The following SFXN2 variants were observed in gnomAD, a reference collection of about 807,000 sequenced individuals.
SFXN2 encodes sideroflexin-2.
SFXN2 carries 37 observed loss-of-function variants against 41.9 expected under a neutral mutation model. The ratio of observed to expected loss-of-function variants is 0.88; its 90% confidence interval spans 0.68 to 1.16. The LOEUF (loss-of-function observed/expected upper bound fraction) is 1.16, where lower values mean the gene tolerates loss of function less well. Among genes scored for constraint, SFXN2 ranks in the 50% most tolerant of loss-of-function variants. The pLI is 0.00. For missense variants in SFXN2, 386 were observed against 425.2 expected, an observed-to-expected ratio of 0.91 and a Z score of 0.81; for synonymous variants, 150 against 156.7, an observed-to-expected ratio of 0.96 and a Z score of 0.32.
At position 102,731,844 on chromosome 10, in the gene SFXN2, C is replaced by T. The variant is rs539509519; in HGVS notation, c.654+61C>T. On this transcript the variant is annotated intron_variant, in intron 7 of 11. Coordinates refer to ENST00000369893, the MANE Select transcript of SFXN2 (RefSeq NM_178858.6). ...AATTCCCTCTCATACCCTGTCCCCTCCTTAGTGGTCAGAGTAGGCACCAAT... is the reference window on the plus strand; with the variant it reads ...AATTCCCTCTCATACCCTGTCCCCTTCTTAGTGGTCAGAGTAGGCACCAAT... The T allele has an allele frequency of 8.8e-6, 13 of 1,472,550 alleles. No individual in the cohort carries two copies. In the African/African-American group the frequency reaches 9.7e-5, roughly 11 times the overall value. The allele number at this position is 1,472,550 out of a possible 1,614,324, so 91.2% of individuals were successfully genotyped here.
At chr10:102,722,574 G>A (rs2902547) in intron 1 of SFXN2, among the ~76,000 whole-genome samples, 39,820 of 152,042 alleles carry the variant, frequency 0.26, 5,421 homozygotes, top group Middle Eastern at 0.36. Context: ...TCACTCTGTC[G>A]TGCAGGCTGG....
At position 102,727,055 on chromosome 10, in the gene SFXN2, C is replaced by T; in HGVS notation, c.230C>T (p.Ala77Val). 2 of 1,610,138 alleles carry T rather than the reference C, an allele frequency of 1.2e-6. No homozygotes were observed. Among genetic ancestry groups the T allele is most frequent in the Non-Finnish European group, 8.5e-7 (1 of 1,176,754 alleles). Reference protein sequence around the residue: ...LLYAKKLYDSAFHPDTGEKMN... With the variant: ...LLYAKKLYDSVFHPDTGEKMN... ...TATGCCAAGAAGCTGTATGACTCGG[C>T]CTTCCACCCCGACACTGGGGAGAAG... Residue 77 changes from alanine (A) to valine (V), a missense_variant, in exon 3 of 12, where the codon GCC becomes GTC. By Grantham distance (64) the Ala-to-Val change is moderately conservative. Coordinates refer to ENST00000369893, the MANE Select transcript of SFXN2 (RefSeq NM_178858.6).
rs1379676564 is a variant in SFXN2, at chr10:102,728,018, G to A, written c.333-413G>A. 2.0e-5 allele frequency among the ~76,000 whole-genome samples: 3 copies of A among 152,304 alleles called. 1 individual carries two copies. Among genetic ancestry groups the A allele is most frequent in the African/African-American group, 4.8e-5 (2 of 41,562 alleles). On this transcript the variant is annotated intron_variant, in intron 3 of 11. Coordinates refer to ENST00000369893, the MANE Select transcript of SFXN2 (RefSeq NM_178858.6). ...GGTGCATAAAACAGTATGGGAACAA[G>A]CTGGGCACGGTGGCTCATGTCTGTA... is the stretch of plus-strand genomic sequence containing the variant.
intron 1 of SFXN2, among the ~76,000 whole-genome samples, chr10:102,719,654 T>A (rs2064478221): frequency 6.6e-6 from 1 of 152,208 alleles, no homozygotes; most frequent in African/African-American, 2.4e-5. Flanking sequence ...GTTTTTTCCT[T>A]CTAGCTCTGA....
chr10:102,736,025 AG>A, intron 11 of SFXN2, 116 bp downstream of exon 11: 1 of 1,005,562 alleles, frequency 9.9e-7, no homozygotes, highest in Non-Finnish European at 1.6e-6. Context: ...CACCTGTCTG[AG>A]GACAAGTGTC....
At position 102,737,792 on chromosome 10, in the gene SFXN2, T is replaced by C; in HGVS notation, c.*30T>C. 6.7e-7 allele frequency: 1 copy of C among 1,484,910 alleles called. No individual in the cohort carries two copies. Among genetic ancestry groups the C allele is most frequent in the East Asian group, 2.3e-5 (1 of 43,820 alleles). The allele number at this position is 1,484,910 out of a possible 1,614,324, so 92.0% of individuals were successfully genotyped here. A position where few individuals can be genotyped will look rare whatever the true frequency, so the allele number is the denominator to read the frequency against. On this transcript the variant is annotated 3_prime_UTR_variant, in exon 12 of 12. Coordinates refer to ENST00000369893, the MANE Select transcript of SFXN2 (RefSeq NM_178858.6). ...CCCACTTCAGCAAGGACCAGTCTAT[T>C]CCCATATTCACCAGCTCCTCCTTAG...
At chr10:102,729,171 G>T (rs992988569) in intron 4 of SFXN2, 148 bp from the exon 5 acceptor site, 1 of 682,708 alleles carries the variant, frequency 1.5e-6, no homozygotes, top group Non-Finnish European at 2.5e-6. Context: ...CTGTGAGTGA[G>T]GGGGAGAGGG....
intron 3 of SFXN2, among the ~76,000 whole-genome samples, chr10:102,728,027 G>A (rs958506960): frequency 2.6e-5 from 4 of 152,150 alleles, no homozygotes; most frequent in African/African-American, 4.8e-5. Context: ...AGCTGGGCAC[G>A]GTGGCTCATG....
At chr10:102,718,049 A>T (rs991538818) in intron 1 of SFXN2, among the ~76,000 whole-genome samples, 3 of 152,114 alleles carry the variant, frequency 2.0e-5, no homozygotes, top group African/African-American at 7.2e-5. Flanking sequence ...TGTGGGGGGA[A>T]ATGTTCCAGA....
In SFXN2 at chr10:102,729,357, C is replaced by T. The variant is rs1048329890; in HGVS notation, c.470C>T (p.Ala157Val). 1 of 1,614,200 alleles carries T rather than the reference C, an allele frequency of 6.2e-7. No homozygotes were observed. Among genetic ancestry groups the T allele is most frequent in the Non-Finnish European group, 8.5e-7 (1 of 1,180,018 alleles). Residue 157 changes from alanine to valine, a missense_variant, in exon 5 of 12, where the codon GCT (alanine) becomes GTT (valine). Physicochemically the swap from Ala to Val is moderately conservative, Grantham distance 64. Coordinates refer to ENST00000369893, the MANE Select transcript of SFXN2 (RefSeq NM_178858.6). ...TCCTACTTCACAGCCACAACCACTG[C>T]TGTGGCCACGGCTGTGGGCATGAAC... ...ALSYFTATTTAVATAVGMNML... is the reference protein window; with the variant it reads ...ALSYFTATTTVVATAVGMNML...
In SFXN2 at chr10:102,740,006, A is replaced by G. The variant is rs542200085; in HGVS notation, c.*2244A>G. The G allele has an allele frequency of 4.6e-5, 7 of 152,244 alleles. No individual in the cohort carries two copies. Among genetic ancestry groups the G allele is most frequent in the African/African-American group, 1.7e-4 (7 of 41,532 alleles). The allele number at this position is 152,244 out of a possible 1,614,324, so 9.4% of individuals were successfully genotyped here. A position where few individuals can be genotyped will look rare whatever the true frequency, so the allele number is the denominator to read the frequency against. ...TGTCACTCTGGGCTGGAGCCTGAGA[A>G]CGTGCATTTCTAGTCATTGCCCGGT... On this transcript the variant is annotated 3_prime_UTR_variant, in exon 12 of 12. Coordinates refer to ENST00000369893, the MANE Select transcript of SFXN2 (RefSeq NM_178858.6).
intron 1 of SFXN2, among the ~76,000 whole-genome samples, chr10:102,721,409 A>G (rs2064506662): frequency 6.6e-6 from 1 of 150,568 alleles, no homozygotes; most frequent in Non-Finnish European, 1.5e-5. Context: ...TAAAATCTAT[A>G]TAGATAGATC....
intron 3 of SFXN2, among the ~76,000 whole-genome samples, chr10:102,728,204 CAGG>C (rs1452636889): frequency 6.6e-6 from 1 of 152,134 alleles, no homozygotes; most frequent in Non-Finnish European, 1.5e-5. Context: ...GAGGCTGAGA[CAGG>C]AGAATTGCTT....
intron 1 of SFXN2, among the ~76,000 whole-genome samples, chr10:102,715,753 C>T (rs1309176615): frequency 3.3e-5 from 5 of 151,744 alleles, no homozygotes; most frequent in African/African-American, 1.2e-4. Flanking sequence ...GAGACCAGCC[C>T]GGGCAACACA....
At chr10:102,727,607 A>C (rs372863150) in intron 3 of SFXN2, 2 of 156,858 alleles carry the variant, frequency 1.3e-5, no homozygotes, top group East Asian at 1.8e-4. Flanking sequence ...GCTGCTGGAC[A>C]TGTGACTCTT....
chr10:102,735,312 C>T (rs927086549), intron 10 of SFXN2, among the ~76,000 whole-genome samples: 8 of 150,658 alleles, frequency 5.3e-5, no homozygotes, highest in Admixed American at 6.6e-5. Context: ...CCCTTCAAGT[C>T]GCTCCTCCCC....
intron 6 of SFXN2, among the ~76,000 whole-genome samples, chr10:102,731,011 C>G (rs549825593): frequency 6.6e-6 from 1 of 152,008 alleles, no homozygotes; most frequent in African/African-American, 2.4e-5. Context: ...TGTTGTGAAC[C>G]CGGGAGGCGG....
At chr10:102,719,525 G>A (rs115247515) in intron 1 of SFXN2, among the ~76,000 whole-genome samples, 2,287 of 152,198 alleles carry the variant, frequency 0.015, 55 homozygotes, top group African/African-American at 0.053. Context: ...CACTGTGCCC[G>A]GCCTTGGCTT....
intron 9 of SFXN2, 63 bp from the exon 10 acceptor site, chr10:102,733,491 T>G (rs1590153669): frequency 1.5e-6 from 2 of 1,368,500 alleles, no homozygotes; most frequent in Non-Finnish European, 1.0e-6. Context: ...CAGAGCAGGG[T>G]TGGGGTTCAC....
Sources: allele counts gnomAD v4.1 joint callset (sites outside exome capture counted in the v4.1 genomes callset), GRCh38; gene constraint gnomAD v4.1.1; transcripts MANE v1.5; gene names NCBI Gene and HGNC (gene_info 2026-07-23, HGNC 2026-07-21).